The following AGBL4 variants were observed in gnomAD, a reference collection of about 807,000 sequenced individuals.
AGBL4 encodes the protein cytosolic carboxypeptidase 6.
A neutral mutation model predicts 66.4 loss-of-function variants in AGBL4; 58 were observed. The ratio of observed to expected loss-of-function variants is 0.87; its 90% confidence interval spans 0.71 to 1.09. The LOEUF (loss-of-function observed/expected upper bound fraction) is 1.09. AGBL4 is among the 50% of genes least tolerant of loss of function. AGBL4 has a pLI of 0.00. For missense variants in AGBL4, 579 were observed against 631.0 expected (o/e 0.92, Z 0.88); for synonymous variants, 234 against 222.9 (o/e 1.05, Z -0.44).
At chr1:48,803,494 A>G (rs1020874916) in intron 6 of AGBL4, among the ~76,000 whole-genome samples, 22 of 152,124 alleles carry the variant, frequency 1.4e-4, no homozygotes, top group African/African-American at 2.4e-5. Context: ...TTTCCTGTCA[A>G]TTTTTCTTTG....
chr1:49,553,400 T>G (rs1243753213), intron 3 of AGBL4, among the ~76,000 whole-genome samples: 1 of 152,240 alleles, frequency 6.6e-6, no homozygotes, highest in Non-Finnish European at 1.5e-5. Context: ...CACTTACATT[T>G]CTTATAATAA....
chr1:48,902,271 CT>C (rs1364263736), intron 5 of AGBL4, among the ~76,000 whole-genome samples: 8 of 152,038 alleles, frequency 5.3e-5, no homozygotes, highest in Non-Finnish European at 1.0e-4. Flanking sequence ...TTAATTATAT[CT>C]CAATTAATTT....
chr1:49,762,605 C>T (rs1424738242), intron 2 of AGBL4, among the ~76,000 whole-genome samples: 1 of 151,724 alleles, frequency 6.6e-6, no homozygotes, highest in Non-Finnish European at 1.5e-5. Context: ...GTAGAGACGG[C>T]GTTTCACCAT....
intron 4 of AGBL4, among the ~76,000 whole-genome samples, chr1:49,224,284 G>C (rs1192696739): frequency 6.6e-6 from 1 of 152,200 alleles, no homozygotes; most frequent in African/African-American, 2.4e-5. Flanking sequence ...AGTAGTGAAG[G>C]AGCTTTGAAA....
At chr1:48,797,494 A>T (rs1645712594) in intron 6 of AGBL4, among the ~76,000 whole-genome samples, 1 of 152,184 alleles carries the variant, frequency 6.6e-6, no homozygotes, top group African/African-American at 2.4e-5. Context: ...TTCCTGAGTT[A>T]CTTCACTTAG....
chr1:48,862,818 G>GA (rs1161389236), intron 6 of AGBL4, among the ~76,000 whole-genome samples: 1 of 152,014 alleles, frequency 6.6e-6, no homozygotes, highest in African/African-American at 2.4e-5. Context: ...TCCAAACAAA[G>GA]AAAAAATCCT....
chr1:49,272,795 T>A (rs924937053), intron 3 of AGBL4, among the ~76,000 whole-genome samples: 1 of 152,216 alleles, frequency 6.6e-6, no homozygotes, highest in Admixed American at 6.5e-5. Context: ...GTCTGTCTGA[T>A]ACCATTGACT....
chr1:49,888,516 C>T (rs992428856), intron 1 of AGBL4, among the ~76,000 whole-genome samples: 1 of 152,088 alleles, frequency 6.6e-6, no homozygotes, highest in Non-Finnish European at 1.5e-5. Context: ...ACAACCACTA[C>T]AGAGTAGCTA....
intron 9 of AGBL4, among the ~76,000 whole-genome samples, chr1:48,598,240 T>C (rs1375421480): frequency 6.6e-6 from 1 of 152,178 alleles, no homozygotes; most frequent in Non-Finnish European, 1.5e-5. Flanking sequence ...TAATGGATTT[T>C]AGGGGGGCAT....
At chr1:49,466,491 G>C (rs1417269757) in intron 3 of AGBL4, among the ~76,000 whole-genome samples, 1 of 151,796 alleles carries the variant, frequency 6.6e-6, no homozygotes, top group Non-Finnish European at 1.5e-5. Context: ...CTCTAAAAAG[G>C]CCCTTCCATC....
At chr1:49,874,775 C>T (rs1646934789) in intron 1 of AGBL4, among the ~76,000 whole-genome samples, 1 of 152,022 alleles carries the variant, frequency 6.6e-6, no homozygotes, top group Non-Finnish European at 1.5e-5. Context: ...CATCACACTC[C>T]ACTTCTCTAA....
At chr1:48,884,312 T>G (rs1017418742) in intron 5 of AGBL4, among the ~76,000 whole-genome samples, 3 of 151,922 alleles carry the variant, frequency 2.0e-5, no homozygotes, top group African/African-American at 7.2e-5. Flanking sequence ...TTTTGTTTTG[T>G]TTTGTTTTTA....
intron 3 of AGBL4, among the ~76,000 whole-genome samples, chr1:49,494,978 A>AT (rs1052035058): frequency 2.6e-5 from 4 of 152,018 alleles, no homozygotes; most frequent in Non-Finnish European, 4.4e-5. Flanking sequence ...TTTAATTGTC[A>AT]TTTTTTGTGG....
At chr1:48,673,562 G>T (rs146354011) in intron 6 of AGBL4, among the ~76,000 whole-genome samples, 91 of 152,338 alleles carry the variant, frequency 6.0e-4, no homozygotes, top group Non-Finnish European at 3.1e-4. Flanking sequence ...TGAAGGAAAA[G>T]TATTTCTATT....
At chr1:49,491,462 C>T (rs1647182881) in intron 3 of AGBL4, among the ~76,000 whole-genome samples, 1 of 151,774 alleles carries the variant, frequency 6.6e-6, no homozygotes, top group South Asian at 2.1e-4. Flanking sequence ...CTTTAAGCAC[C>T]TAGAAAGCTG....
intron 1 of AGBL4, among the ~76,000 whole-genome samples, chr1:49,935,089 G>A (rs915608958): frequency 1.7e-4 from 26 of 152,226 alleles, no homozygotes; most frequent in South Asian, 6.2e-4. Context: ...TCAAAGAAAG[G>A]GGTGACAGAC....
At chr1:49,937,537 AT>A (rs1240743331) in intron 1 of AGBL4, among the ~76,000 whole-genome samples, 18 of 152,010 alleles carry the variant, frequency 1.2e-4, no homozygotes, top group Non-Finnish European at 1.3e-4. Context: ...CAGAATATAC[AT>A]TTTTTTCAGC....
intron 2 of AGBL4, among the ~76,000 whole-genome samples, chr1:49,793,385 A>G (rs961447552): frequency 6.6e-6 from 1 of 152,030 alleles, no homozygotes; most frequent in Non-Finnish European, 1.5e-5. Flanking sequence ...CATGTCTCCC[A>G]GTCTTTGAGC....
At chr1:49,417,665 C>A (rs1008685370) in intron 3 of AGBL4, among the ~76,000 whole-genome samples, 2 of 152,066 alleles carry the variant, frequency 1.3e-5, no homozygotes, top group African/African-American at 4.8e-5. Flanking sequence ...GTTTTTGAAA[C>A]CTCATAATGT....
Sources: gnomAD v4.1 joint callset for allele counts (sites outside exome capture counted in the v4.1 genomes callset) on GRCh38, gnomAD v4.1.1 for gene constraint, MANE v1.5 for transcripts, NCBI Gene and HGNC (gene_info 2026-07-23, HGNC 2026-07-21) for gene names.